Variants in DOCK9 observed in about 807,000 individuals in gnomAD.
DOCK9 encodes dedicator of cytokinesis protein 9.
In DOCK9, 89 loss-of-function variants were observed where a neutral mutation model predicts 263.3. That is an observed-to-expected ratio of 0.34 (90% CI 0.28 to 0.40). The LOEUF (loss-of-function observed/expected upper bound fraction) is 0.40. Ranked by LOEUF, DOCK9 falls within the 10% of genes least tolerant of loss-of-function variation. The probability of loss-of-function intolerance (pLI) is 1.00; values close to 1 mark genes in which losing one functional copy is unlikely to be tolerated. For missense variants in DOCK9, 2,140 were observed against 2,603.4 expected (o/e 0.82, Z 3.87); for synonymous variants, 976 against 973.1 (o/e 1.00, Z -0.06).
At chr13:99,084,661 C>T (rs190370699) in intron 1 of DOCK9, among the ~76,000 whole-genome samples, 1 of 152,346 alleles carries the variant, frequency 6.6e-6, no homozygotes, top group African/African-American at 2.4e-5. Flanking sequence ...TGGGCTCCAT[C>T]TACACGGCTT....
intron 1 of DOCK9, among the ~76,000 whole-genome samples, chr13:99,019,692 G>A (rs1197184382): frequency 2.0e-5 from 3 of 152,160 alleles, no homozygotes; most frequent in Non-Finnish European, 4.4e-5. Context: ...CTTGGGGTGG[G>A]TGTGATGTCA....
At chr13:98,861,473 A>T (rs1320979089) in intron 32 of DOCK9, among the ~76,000 whole-genome samples, 2 of 152,254 alleles carry the variant, frequency 1.3e-5, no homozygotes, top group African/African-American at 4.8e-5. Context: ...GCTGAAATTC[A>T]TAGCAGATAA....
intron 15 of DOCK9, among the ~76,000 whole-genome samples, chr13:98,892,336 T>C (rs985076024): frequency 1.3e-5 from 2 of 152,218 alleles, no homozygotes; most frequent in African/African-American, 4.8e-5. Flanking sequence ...GGTCCTTATC[T>C]AAGTGTTTCT....
At chr13:99,082,380 G>A (rs1332127302) in intron 1 of DOCK9, among the ~76,000 whole-genome samples, 1 of 151,844 alleles carries the variant, frequency 6.6e-6, no homozygotes, top group African/African-American at 2.4e-5. Flanking sequence ...TTAGCCGGGT[G>A]TGGTGGTGGG....
In DOCK9 at chr13:99,080,367, A is replaced by T. The variant is rs571920902; in HGVS notation, c.129+5856T>A. On this transcript the variant is annotated intron_variant, in intron 1 of 32. Transcript: ENST00000427887. Reference sequence around the variant, plus strand: ...AGTCACATTATTTACTCTCAGGATTACACTTAGGGAAGGTCTCTCTAGGAA... The same window carrying T: ...AGTCACATTATTTACTCTCAGGATTTCACTTAGGGAAGGTCTCTCTAGGAA... Among the ~76,000 whole-genome samples the T allele has an allele frequency of 2.0e-5, 3 of 152,288 alleles. No homozygotes were observed. The East Asian group carries it at 5.8e-4, about 29-fold the overall frequency.
At chr13:98,946,239 C>T (rs2056687060) in intron 2 of DOCK9, among the ~76,000 whole-genome samples, 1 of 152,178 alleles carries the variant, frequency 6.6e-6, no homozygotes, top group African/African-American at 2.4e-5. Flanking sequence ...TCTAGCTACA[C>T]TGTTAGGACA....
rs1487284480 is a variant in DOCK9, at chr13:98,977,765, T to C, written c.126+19A>G. ...AGCATTGGGTAGACACAGCAACACT[T>C]TGTACGAGACCCTCTTACCGGCACA... is the stretch of plus-strand genomic sequence containing the variant. On this transcript the variant is annotated intron_variant, in intron 1 of 52. Coordinates refer to ENST00000682017, the MANE Select transcript of DOCK9 (RefSeq NM_001366683.2). 6.2e-7 allele frequency: 1 copy of C among 1,610,206 alleles called. No individual in the cohort carries two copies. The highest frequency in any genetic ancestry group is 8.5e-7 in the Non-Finnish European group (1 of 1,178,582).
At chr13:98,809,283 T>TG (rs11368844) in intron 47 of DOCK9, 69 bp downstream of exon 47, 8,718 of 534,698 alleles carry the variant, frequency 0.016, 484 homozygotes, top group African/African-American at 0.14. Context: ...TTATAGTTTT[T>TG]TTTTTGTTTT....
At chr13:98,922,004 CAGAA>C in intron 6 of DOCK9, 43 bp downstream of exon 6, 1 of 1,445,034 alleles carries the variant, frequency 6.9e-7, no homozygotes, top group Non-Finnish European at 9.5e-7. Flanking sequence ...AGCTCTATGG[CAGAA>C]AGGGCTTGTG....
At chr13:98,907,276 C>T (rs978552164) in intron 9 of DOCK9, among the ~76,000 whole-genome samples, 9 of 152,156 alleles carry the variant, frequency 5.9e-5, no homozygotes, top group African/African-American at 1.9e-4. Context: ...CTGAATCGTC[C>T]GCTTGAGCCC....
chr13:99,015,491 T>A (rs1351072071), intron 1 of DOCK9: 1 of 1,597,800 alleles, frequency 6.3e-7, no homozygotes, highest in Non-Finnish European at 8.5e-7. Flanking sequence ...TTTGTCCAAT[T>A]GTATGCTGTA....
At chr13:99,085,447 G>C (rs1400221557) in intron 1 of DOCK9, among the ~76,000 whole-genome samples, 2 of 152,230 alleles carry the variant, frequency 1.3e-5, no homozygotes, top group East Asian at 3.8e-4. Context: ...AAATACAGCA[G>C]GACCGGCGCT....
At chr13:98,846,127 T>C (rs2093383432) in intron 37 of DOCK9, 67 bp from the exon 38 acceptor site, 1 of 1,527,590 alleles carries the variant, frequency 6.5e-7, no homozygotes, top group Non-Finnish European at 8.8e-7. Context: ...AGACGGGGAG[T>C]GTTAGTGAAG....
At chr13:99,043,850 C>T (rs2142148898) in intron 1 of DOCK9, among the ~76,000 whole-genome samples, 1 of 152,232 alleles carries the variant, frequency 6.6e-6, no homozygotes, top group Middle Eastern at 3.4e-3. Flanking sequence ...CTTGTCCCCG[C>T]CCACTGCCCT....
At chr13:98,885,617 T>C in intron 20 of DOCK9, 91 bp downstream of exon 20, 1 of 1,398,166 alleles carries the variant, frequency 7.2e-7, no homozygotes, top group Non-Finnish European at 9.6e-7. Flanking sequence ...AAGATCCCTT[T>C]GCAAAAAGAT....
At chr13:98,843,669 C>T (rs1346502403) in intron 38 of DOCK9, among the ~76,000 whole-genome samples, 5 of 152,156 alleles carry the variant, frequency 3.3e-5, no homozygotes, top group African/African-American at 1.2e-4. Context: ...CAGTATGCCA[C>T]TGAAAACTGA....
At chr13:98,896,935 A>T (rs1312948471) in intron 15 of DOCK9, among the ~76,000 whole-genome samples, 1 of 152,234 alleles carries the variant, frequency 6.6e-6, no homozygotes, top group Non-Finnish European at 1.5e-5. Flanking sequence ...CTGATGCTTT[A>T]TCACTAGTGT....
chr13:98,812,049 A>G (rs1406023603), intron 45 of DOCK9, among the ~76,000 whole-genome samples: 2 of 151,316 alleles, frequency 1.3e-5, no homozygotes, highest in African/African-American at 4.9e-5. Flanking sequence ...TCAACTGATC[A>G]TAAGTGTGTG....
At chr13:98,864,610 G>A (rs2093966986) in intron 30 of DOCK9, among the ~76,000 whole-genome samples, 1 of 152,198 alleles carries the variant, frequency 6.6e-6, no homozygotes, top group Non-Finnish European at 1.5e-5. Context: ...GTCATAGCTT[G>A]AGTTCACATG....
Sources: allele counts gnomAD v4.1 joint callset (sites outside exome capture counted in the v4.1 genomes callset), GRCh38; gene constraint gnomAD v4.1.1; transcripts MANE v1.5; gene names NCBI Gene and HGNC (gene_info 2026-07-23, HGNC 2026-07-21).